Variants in RET observed in about 807,000 individuals in gnomAD.
RET encodes ret proto-oncogene.
RET carries 19 observed loss-of-function variants against 118.3 expected under a neutral mutation model. The observed-to-expected ratio is 0.16, with a 90% CI of 0.11 to 0.24. The LOEUF is 0.24. Ranked by LOEUF, RET falls within the 10% of genes least tolerant of loss-of-function variation. The pLI is 1.00. For synonymous variants in RET, 597 were observed against 644.1 expected, an observed-to-expected ratio of 0.93 and a Z score of 1.11; for missense variants, 1,219 against 1,502.1, an observed-to-expected ratio of 0.81 and a Z score of 3.12.
intron 16 of RET, 55 bp from the exon 17 acceptor site, chr10:43,123,616 G>C (rs898010051): frequency 1.2e-6 from 2 of 1,612,792 alleles, no homozygotes; most frequent in East Asian, 2.2e-5. Context: ...GGGCCCCCCG[G>C]AGGGCTCTGT....
At chr10:43,093,553 C>G (rs1837453250) in intron 1 of RET, among the ~76,000 whole-genome samples, 1 of 152,176 alleles carries the variant, frequency 6.6e-6, no homozygotes, top group African/African-American at 2.4e-5. Context: ...AGCCCAGGGC[C>G]TGGATATGGC....
intron 12 of RET, 55 bp downstream of exon 12, chr10:43,116,786 G>T: frequency 9.4e-7 from 1 of 1,065,366 alleles, no homozygotes; most frequent in South Asian, 1.2e-5. Context: ...GGCGGGGGGC[G>T]GGTGAGGCCC....
intron 1 of RET, among the ~76,000 whole-genome samples, chr10:43,079,876 C>G (rs922912393): frequency 6.6e-6 from 1 of 152,188 alleles, no homozygotes; most frequent in African/African-American, 2.4e-5. Flanking sequence ...TTTTCCTTCT[C>G]CCCTTTCTCT....
intron 1 of RET, among the ~76,000 whole-genome samples, chr10:43,088,384 A>G (rs1419201169): frequency 7.2e-6 from 1 of 139,240 alleles, no homozygotes; most frequent in Non-Finnish European, 1.5e-5. Context: ...AGTGGAGGTG[A>G]TGGTGATGGT....
chr10:43,104,927 G>T, intron 3 of RET, 25 bp from the exon 4 acceptor site: 1 of 1,549,666 alleles, frequency 6.5e-7, no homozygotes, highest in East Asian at 2.4e-5. Flanking sequence ...TGATCACGCG[G>T]GGCCCCTGTC....
intron 1 of RET, among the ~76,000 whole-genome samples, chr10:43,087,524 C>T (rs1189682701): frequency 6.6e-6 from 1 of 152,212 alleles, no homozygotes; most frequent in African/African-American, 2.4e-5. Context: ...GATGCTTAAA[C>T]CCAGTGAACT....
chr10:43,130,137 G>A lies in RET; in HGVS notation c.*1868G>A, dbSNP rs1228801508. The A allele has an allele frequency of 7.5e-6, 3 of 397,664 alleles. No homozygotes were observed. Among genetic ancestry groups the A allele is most frequent in the African/African-American group, 6.2e-5 (3 of 48,578 alleles). 24.6% of individuals were successfully genotyped at this position (397,664 alleles called of 1,614,324 possible). Reference sequence around the variant, plus strand: ...AATTGTCTATTCCTGAGTTATAAAAGTCCCCATCCTTATTAGCTCTACTGG... The same window carrying A: ...AATTGTCTATTCCTGAGTTATAAAAATCCCCATCCTTATTAGCTCTACTGG... On this transcript the variant is annotated 3_prime_UTR_variant, in exon 20 of 20. Transcript: ENST00000355710.
intron 1 of RET, among the ~76,000 whole-genome samples, chr10:43,089,597 A>G (rs1837367624): frequency 6.6e-6 from 1 of 152,170 alleles, no homozygotes; most frequent in African/African-American, 2.4e-5. Flanking sequence ...CCCAGGGGAC[A>G]TTGTCAAGAG....
At chr10:43,107,570 C>G (rs1004310612) in intron 5 of RET, among the ~76,000 whole-genome samples, 57 of 144,454 alleles carry the variant, frequency 3.9e-4, no homozygotes, top group African/African-American at 6.0e-4. Context: ...CACACACACA[C>G]ACACACACAC....
chr10:43,089,040 G>A (rs1348565646), intron 1 of RET, among the ~76,000 whole-genome samples: 1 of 152,232 alleles, frequency 6.6e-6, no homozygotes, highest in African/African-American at 2.4e-5. Flanking sequence ...GCCTGTCTGT[G>A]GCTGTCTCTT....
chr10:43,078,997 A>G (rs540321979), intron 1 of RET, among the ~76,000 whole-genome samples: 45 of 152,284 alleles, frequency 3.0e-4, no homozygotes, highest in African/African-American at 1.1e-3. Context: ...ACAGCTCCGG[A>G]GGTTCGAGCC....
At chr10:43,090,787 C>T (rs1227761483) in intron 1 of RET, among the ~76,000 whole-genome samples, 1 of 150,774 alleles carries the variant, frequency 6.6e-6, no homozygotes, top group East Asian at 2.0e-4. Flanking sequence ...GGTTCCTCCT[C>T]TGCAGGCTCC....
In RET at chr10:43,124,883, G is replaced by A; in HGVS notation, c.2940G>A (p.Met980Ile). ...MERPDNCSEE[M>I]YRLMLQCWKQ... ...TTGGCCTGTCTGCTCTTCCCACCAG[G>A]TACCGCCTGATGCTGCAATGCTGGA... The change falls in exon 18 of 20, where the codon ATG (methionine) becomes ATA (isoleucine). Residue 980 changes from methionine to isoleucine, a missense_variant and splice_region_variant. Met to Ile is a conservative substitution (Grantham distance 10, BLOSUM62 1). Around this residue, in one of 5 missense-constraint regions of RET, gnomAD observed 174 missense variants for 179.3 expected, o/e 0.97. Coordinates refer to ENST00000355710, the MANE Select transcript of RET (RefSeq NM_020975.6). 6.2e-7 allele frequency: 1 copy of A among 1,613,892 alleles called. No homozygotes were observed. The highest frequency in any genetic ancestry group is 8.5e-7 in the Non-Finnish European group (1 of 1,180,028).
chr10:43,105,548 A>T (rs903729170), intron 4 of RET, among the ~76,000 whole-genome samples: 2 of 152,070 alleles, frequency 1.3e-5, no homozygotes, highest in African/African-American at 4.8e-5. Context: ...AGGGCCCTTG[A>T]GTGACCACGA....
chr10:43,112,087 T>C lies in RET; in HGVS notation c.1523-12T>C, dbSNP rs1429462039. ...CCAGCCCCCTGTGACCCTGCTTGTC[T>C]GCCACCTGCAGATGTGGCCGAGGAG... On this transcript the variant is annotated splice_polypyrimidine_tract_variant and intron_variant, in intron 7 of 19. Transcript: ENST00000355710. The C allele has an allele frequency of 6.3e-7, 1 of 1,595,436 alleles. No individual in the cohort carries two copies. The highest frequency in any genetic ancestry group is 1.7e-5 in the Admixed American group (1 of 57,774).
intron 3 of RET, among the ~76,000 whole-genome samples, chr10:43,104,504 G>A (rs531259031): frequency 4.6e-5 from 7 of 152,018 alleles, no homozygotes; most frequent in African/African-American, 1.7e-4. Flanking sequence ...GCAACACAGC[G>A]AGACTCCATC....
At chr10:43,101,128 T>G (rs1047232227) in intron 2 of RET, among the ~76,000 whole-genome samples, 10 of 151,962 alleles carry the variant, frequency 6.6e-5, no homozygotes, top group African/African-American at 2.4e-4. Context: ...TGACTTCTTA[T>G]CAGCAGCTGG....
At chr10:43,081,608 C>A (rs541162935) in intron 1 of RET, among the ~76,000 whole-genome samples, 47 of 152,282 alleles carry the variant, frequency 3.1e-4, no homozygotes, top group Non-Finnish European at 5.6e-4. Context: ...CTGCCAGAGC[C>A]GTCTTCTGTG....
chr10:43,117,975 T>C (rs917477453), intron 12 of RET, among the ~76,000 whole-genome samples: 1 of 152,068 alleles, frequency 6.6e-6, no homozygotes, highest in Non-Finnish European at 1.5e-5. Flanking sequence ...CCTTTATGGC[T>C]CTCCACCTTC....
Sources: allele counts gnomAD v4.1 joint callset (sites outside exome capture counted in the v4.1 genomes callset), GRCh38; gene constraint gnomAD v4.1.1; regional missense constraint gnomAD v4.1.1; transcripts MANE v1.5; gene names NCBI Gene and HGNC (gene_info 2026-07-23, HGNC 2026-07-21).